NTNG1: variants seen among roughly 807,000 people sequenced by gnomAD.
NTNG1 encodes netrin G1.
In NTNG1, 16 loss-of-function variants were observed where a neutral mutation model predicts 54.0. That is an observed-to-expected ratio of 0.30 (90% confidence interval 0.20 to 0.45). The LOEUF is 0.45. Among genes scored for constraint, NTNG1 ranks in the 20% least tolerant of loss-of-function variants. The probability of loss-of-function intolerance (pLI) is 1.00; values close to 1 mark genes in which losing one functional copy is unlikely to be tolerated. For missense variants in NTNG1, 530 were observed against 678.7 expected, an observed-to-expected ratio of 0.78 and a Z score of 2.43; for synonymous variants, 255 against 263.1, an observed-to-expected ratio of 0.97 and a Z score of 0.30.
rs150239279 is a variant in NTNG1, at chr1:107,321,140, C to T, written c.247-3142C>T. 5.0e-3 allele frequency among the ~76,000 whole-genome samples: 767 copies of T among 152,188 alleles called. 4 individuals carry two copies. Among genetic ancestry groups the T allele is most frequent in the Non-Finnish European group, 7.8e-3 (531 of 67,992 alleles). On this transcript the variant is annotated intron_variant, in intron 2 of 7. Transcript: ENST00000370068. ...TTTAATTGGCTTTATTTTCTCCATA[C>T]AAGTTGTCATCGTGTAACATTATAA...
intron 3 of NTNG1, among the ~76,000 whole-genome samples, chr1:107,326,182 G>T (rs1667941524): frequency 6.6e-6 from 1 of 152,102 alleles, no homozygotes; most frequent in African/African-American, 2.4e-5. Flanking sequence ...AGTAGAAACT[G>T]GTGGCCATCT....
rs148886762 is a variant in NTNG1 at position 107,256,103 on chromosome 1, T to G, written c.247-68179T>G. Among the ~76,000 whole-genome samples, 21 of 152,352 alleles carry G rather than the reference T, an allele frequency of 1.4e-4. No individual in the cohort carries two copies. In the East Asian group the frequency reaches 3.9e-3, roughly 28 times the overall value. On this transcript the variant is annotated intron_variant, in intron 2 of 7. Transcript: ENST00000370068. Reference sequence around the variant, plus strand: ...TTAAAGTTATTACATTATGGTCACATCTCAAACATTCTCTGTAATTATTTG... The same window carrying G: ...TTAAAGTTATTACATTATGGTCACAGCTCAAACATTCTCTGTAATTATTTG...
chr1:107,179,476 G>A (rs4620572), intron 2 of NTNG1, among the ~76,000 whole-genome samples: 117,962 of 151,974 alleles, frequency 0.78, 46,406 homozygotes, highest in Middle Eastern at 0.87. Context: ...TTATTTCAAT[G>A]TATTTTTTTT....
chr1:107,470,858 T>C (rs955715788), intron 7 of NTNG1, among the ~76,000 whole-genome samples: 3 of 152,186 alleles, frequency 2.0e-5, no homozygotes, highest in Admixed American at 1.3e-4. Flanking sequence ...TGCCCAGCCT[T>C]CAGCTTGTAG....
At chr1:107,311,073 C>T (rs1447549035) in intron 2 of NTNG1, among the ~76,000 whole-genome samples, 1 of 152,056 alleles carries the variant, frequency 6.6e-6, no homozygotes, top group Non-Finnish European at 1.5e-5. Context: ...TTCTCCAGCA[C>T]AATAAAGTTT....
chr1:107,151,292 G>A (rs955628263), intron 2 of NTNG1, among the ~76,000 whole-genome samples: 1 of 152,112 alleles, frequency 6.6e-6, no homozygotes, highest in African/African-American at 2.4e-5. Flanking sequence ...TTTAGCATAA[G>A]GATTCCTGAC....
intron 7 of NTNG1, among the ~76,000 whole-genome samples, chr1:107,437,771 AG>A (rs1419558726): frequency 6.6e-6 from 1 of 152,180 alleles, no homozygotes; most frequent in African/African-American, 2.4e-5. Context: ...AAAATTATTA[AG>A]GCTATATTTT....
intron 3 of NTNG1, among the ~76,000 whole-genome samples, chr1:107,346,031 G>T (rs1047147280): frequency 2.6e-4 from 39 of 152,186 alleles, no homozygotes; most frequent in African/African-American, 9.2e-4. Flanking sequence ...CACCTGATAA[G>T]CCTCGATTTG....
chr1:107,351,497 T>A (rs1669598030), intron 3 of NTNG1, among the ~76,000 whole-genome samples: 1 of 152,100 alleles, frequency 6.6e-6, no homozygotes, highest in Non-Finnish European at 1.5e-5. Context: ...CAGTGCTACA[T>A]ACTTTTAAAG....
At chr1:107,241,879 G>C (rs1184795769) in intron 2 of NTNG1, among the ~76,000 whole-genome samples, 1 of 152,070 alleles carries the variant, frequency 6.6e-6, no homozygotes, top group Non-Finnish European at 1.5e-5. Flanking sequence ...AAAAAATCTT[G>C]AACTGACTTA....
intron 2 of NTNG1, among the ~76,000 whole-genome samples, chr1:107,316,463 C>T (rs1667343090): frequency 1.3e-5 from 2 of 152,158 alleles, no homozygotes; most frequent in Admixed American, 6.5e-5. Flanking sequence ...CCCAAGCCTC[C>T]TAGACTTCTC....
At chr1:107,346,860 T>C (rs1350320694) in intron 3 of NTNG1, among the ~76,000 whole-genome samples, 1 of 123,952 alleles carries the variant, frequency 8.1e-6, no homozygotes, top group African/African-American at 3.1e-5. Context: ...TTCTTTCACC[T>C]CTGCCATGAT....
chr1:107,399,677 T>C (rs1672897170), intron 4 of NTNG1, among the ~76,000 whole-genome samples: 1 of 152,168 alleles, frequency 6.6e-6, no homozygotes, highest in Admixed American at 6.5e-5. Flanking sequence ...ACATGGAATA[T>C]TGTGATTTCA....
intron 2 of NTNG1, among the ~76,000 whole-genome samples, chr1:107,200,532 CA>C (rs1658670196): frequency 6.6e-6 from 1 of 151,620 alleles, no homozygotes; most frequent in Non-Finnish European, 1.5e-5. Context: ...AAGGATTAAC[CA>C]AATCATTCTC....
intron 3 of NTNG1, 42 bp downstream of exon 3, chr1:107,324,964 C>G: frequency 6.5e-7 from 1 of 1,545,510 alleles, no homozygotes; most frequent in South Asian, 1.2e-5. Context: ...ACGGGTGTGT[C>G]CAAAGAAAAT....
intron 3 of NTNG1, among the ~76,000 whole-genome samples, chr1:107,342,252 G>A (rs1217017235): frequency 6.6e-6 from 1 of 151,922 alleles, no homozygotes. Context: ...GGGAAATTCT[G>A]ACATAAAAAT....
At chr1:107,428,180 CT>C (rs978653885) in intron 5 of NTNG1, among the ~76,000 whole-genome samples, 5 of 152,074 alleles carry the variant, frequency 3.3e-5, no homozygotes, top group African/African-American at 1.2e-4. Context: ...ACTCTTTACT[CT>C]ATTACTTTCA....
intron 3 of NTNG1, among the ~76,000 whole-genome samples, chr1:107,347,256 G>T (rs12742040): frequency 0.13 from 19,990 of 152,158 alleles, 1,456 homozygotes; most frequent in Middle Eastern, 0.18. Context: ...GCTCACACCT[G>T]TAATCCTAGC....
At chr1:107,333,641 G>A (rs1243743038) in intron 3 of NTNG1, among the ~76,000 whole-genome samples, 1 of 151,816 alleles carries the variant, frequency 6.6e-6, no homozygotes, top group Non-Finnish European at 1.5e-5. Context: ...AACATCGTGT[G>A]TGTGTGCATG....
Sources: allele counts gnomAD v4.1 joint callset (sites outside exome capture counted in the v4.1 genomes callset), GRCh38; gene constraint gnomAD v4.1.1; transcripts MANE v1.5; gene names NCBI Gene and HGNC (gene_info 2026-07-23, HGNC 2026-07-21).